Variants in IQCM observed in about 807,000 individuals in gnomAD.
The protein encoded by IQCM is IQ domain-containing protein M.
In IQCM, 45 loss-of-function variants were observed where a neutral mutation model predicts 57.6. That is an observed-to-expected ratio of 0.78 (90% CI 0.62 to 1.00). IQCM has a LOEUF of 1.00. Ranked by LOEUF, IQCM falls within the 50% of genes least tolerant of loss-of-function variation. The probability of loss-of-function intolerance (pLI) is 0.00; values close to 1 mark genes in which losing one functional copy is unlikely to be tolerated. For missense variants in IQCM, 468 were observed against 511.6 expected, an observed-to-expected ratio of 0.91 and a Z score of 0.82; for synonymous variants, 148 against 158.9, an observed-to-expected ratio of 0.93 and a Z score of 0.51.
intron 12 of IQCM, among the ~76,000 whole-genome samples, chr4:149,475,517 T>C (rs1344884812): frequency 1.3e-5 from 2 of 152,100 alleles, no homozygotes; most frequent in Non-Finnish European, 2.9e-5. Flanking sequence ...ATAGTCAGCA[T>C]ATACAGCATA....
At chr4:149,752,993 A>G (rs577173186) in intron 2 of IQCM, among the ~76,000 whole-genome samples, 7 of 152,346 alleles carry the variant, frequency 4.6e-5, no homozygotes, top group African/African-American at 7.2e-5. Flanking sequence ...AGGAGCCCCA[A>G]GGAACCAATA....
At chr4:149,634,150 T>C (rs1757526973) in intron 7 of IQCM, among the ~76,000 whole-genome samples, 1 of 151,988 alleles carries the variant, frequency 6.6e-6, no homozygotes, top group African/African-American at 2.4e-5. Context: ...GCTGGAATTA[T>C]AGGTACACGC....
chr4:149,696,696 G>A (rs1360787086), intron 5 of IQCM, among the ~76,000 whole-genome samples: 4 of 152,130 alleles, frequency 2.6e-5, no homozygotes, highest in African/African-American at 9.7e-5. Context: ...GAGTTAGCCA[G>A]AGCAGTTCTG....
intron 12 of IQCM, among the ~76,000 whole-genome samples, chr4:149,493,159 T>G (rs1393449657): frequency 1.3e-5 from 2 of 152,134 alleles, no homozygotes; most frequent in East Asian, 3.9e-4. Flanking sequence ...CCAGAATTTT[T>G]TTCTCAATAC....
chr4:149,499,325 A>G (rs1001764160), intron 12 of IQCM, among the ~76,000 whole-genome samples: 1 of 152,182 alleles, frequency 6.6e-6, no homozygotes, highest in Non-Finnish European at 1.5e-5. Context: ...TTTGCTAGAA[A>G]TAAAAAATAC....
intron 10 of IQCM, among the ~76,000 whole-genome samples, chr4:149,558,003 C>T (rs1749751634): frequency 6.6e-6 from 1 of 152,182 alleles, no homozygotes; most frequent in African/African-American, 2.4e-5. Context: ...TTCTATCTAG[C>T]AGCATTGGAG....
At chr4:149,726,078 A>G (rs1172475084) in intron 5 of IQCM, among the ~76,000 whole-genome samples, 3 of 99,644 alleles carry the variant, frequency 3.0e-5, no homozygotes, top group Non-Finnish European at 7.2e-5. Context: ...TCTAAAAGAA[A>G]GAAAGAAAGA....
At chr4:149,661,126 A>G (rs974776952) in intron 7 of IQCM, among the ~76,000 whole-genome samples, 10 of 152,082 alleles carry the variant, frequency 6.6e-5, no homozygotes, top group Non-Finnish European at 1.5e-4. Flanking sequence ...GTTGAGGTAC[A>G]TATCTTCTAT....
intron 2 of IQCM, among the ~76,000 whole-genome samples, chr4:149,753,601 G>T (rs1768673272): frequency 1.3e-5 from 2 of 151,822 alleles, no homozygotes; most frequent in Admixed American, 6.6e-5. Context: ...GGAGGGAGGA[G>T]TGTTAGCATT....
chr4:149,696,591 G>A (rs922543010), intron 5 of IQCM, among the ~76,000 whole-genome samples: 22 of 151,974 alleles, frequency 1.4e-4, no homozygotes, highest in African/African-American at 4.4e-4. Flanking sequence ...GCATTAATTC[G>A]TATCTCAAAT....
chr4:149,480,962 G>A (rs1219307969), intron 12 of IQCM, among the ~76,000 whole-genome samples: 6 of 152,096 alleles, frequency 3.9e-5, no homozygotes, highest in Non-Finnish European at 8.8e-5. Context: ...ATTGGGGTGA[G>A]ACGATATCTC....
At chr4:149,670,099 C>T (rs916221831) in intron 7 of IQCM, among the ~76,000 whole-genome samples, 1 of 152,166 alleles carries the variant, frequency 6.6e-6, no homozygotes, top group African/African-American at 2.4e-5. Context: ...TTGTTTCTTC[C>T]TATCCATGAG....
At chr4:149,405,411 G>C (rs1181458065) in intron 13 of IQCM, among the ~76,000 whole-genome samples, 2 of 151,862 alleles carry the variant, frequency 1.3e-5, no homozygotes, top group East Asian at 3.9e-4. Context: ...GCCTGTCAGG[G>C]GATGGGGGGC....
At chr4:149,367,950 T>C (rs1729956912) in intron 13 of IQCM, among the ~76,000 whole-genome samples, 1 of 152,080 alleles carries the variant, frequency 6.6e-6, no homozygotes, top group South Asian at 2.1e-4. Context: ...TTGCGAATGG[T>C]TCCTCAATAT....
intron 12 of IQCM, among the ~76,000 whole-genome samples, chr4:149,463,535 A>G (rs1006212414): frequency 6.6e-6 from 1 of 152,202 alleles, no homozygotes; most frequent in Non-Finnish European, 1.5e-5. Flanking sequence ...GGCAAAGATG[A>G]GTCTTTTCAA....
chr4:149,795,144 C>T (rs1397385828), intron 2 of IQCM, among the ~76,000 whole-genome samples: 2 of 152,156 alleles, frequency 1.3e-5, no homozygotes, highest in Non-Finnish European at 2.9e-5. Context: ...AGATTGCATA[C>T]TGCAGAAGAA....
At chr4:149,687,271 G>GAGA (rs759184558) in intron 5 of IQCM, among the ~76,000 whole-genome samples, 39 of 151,576 alleles carry the variant, frequency 2.6e-4, no homozygotes, top group Admixed American at 4.6e-4. Flanking sequence ...TGTACGTTCA[G>GAGA]AGAACATAAC....
At chr4:149,366,466 G>A (rs1324451997) in intron 13 of IQCM, among the ~76,000 whole-genome samples, 1 of 151,658 alleles carries the variant, frequency 6.6e-6, no homozygotes, top group African/African-American at 2.4e-5. Context: ...TTGCTCCATT[G>A]CCTGTTTCTT....
intron 7 of IQCM, among the ~76,000 whole-genome samples, chr4:149,662,913 T>C (rs530461247): frequency 1.4e-4 from 21 of 152,006 alleles, no homozygotes; most frequent in Admixed American, 1.2e-3. Flanking sequence ...TACATTATTA[T>C]TGATAGATAA....
Sources: gnomAD v4.1 joint callset for allele counts (sites outside exome capture counted in the v4.1 genomes callset) on GRCh38, gnomAD v4.1.1 for gene constraint, MANE v1.5 for transcripts, NCBI Gene and HGNC (gene_info 2026-07-23, HGNC 2026-07-21) for gene names.